SUGCT: variants seen among roughly 807,000 people sequenced by gnomAD.
SUGCT encodes succinyl-CoA:glutarate-CoA transferase.
A neutral mutation model predicts 55.0 loss-of-function variants in SUGCT; 41 were observed. The ratio of observed to expected loss-of-function variants is 0.74; its 90% confidence interval spans 0.58 to 0.97. The LOEUF is 0.97. Among genes scored for constraint, SUGCT ranks in the 50% least tolerant of loss-of-function variants. SUGCT has a pLI of 0.00. For missense variants in SUGCT, 568 were observed against 547.8 expected (o/e 1.04, Z -0.37); for synonymous variants, 187 against 200.4 (o/e 0.93, Z 0.56).
At chr7:40,579,613 C>A (rs975389516) in intron 12 of SUGCT, among the ~76,000 whole-genome samples, 3 of 152,176 alleles carry the variant, frequency 2.0e-5, no homozygotes, top group African/African-American at 7.2e-5. Context: ...TGGAAACAGA[C>A]ATAAATGGTG....
At chr7:40,258,813 C>T (rs1791012274) in intron 7 of SUGCT, among the ~76,000 whole-genome samples, 1 of 152,150 alleles carries the variant, frequency 6.6e-6, no homozygotes, top group Non-Finnish European at 1.5e-5. Flanking sequence ...ACTATATGAT[C>T]CAGCAACCCC....
At chr7:40,802,413 C>A (rs985867333) in intron 13 of SUGCT, among the ~76,000 whole-genome samples, 3 of 152,066 alleles carry the variant, frequency 2.0e-5, no homozygotes, top group Non-Finnish European at 4.4e-5. Context: ...CATTTAAAAC[C>A]CCCCAAAGCC....
chr7:40,997,397 C>T, the SUGCT span, among the ~76,000 whole-genome samples: 1 of 152,182 alleles, frequency 6.6e-6, no homozygotes, highest in Admixed American at 6.5e-5. Context: ...CCATTCTCCA[C>T]ATGGCAACCA....
At chr7:40,540,584 A>C (rs146214281) in intron 12 of SUGCT, among the ~76,000 whole-genome samples, 114 of 152,352 alleles carry the variant, frequency 7.5e-4, no homozygotes, top group African/African-American at 2.6e-3. Flanking sequence ...GTAAATGCCT[A>C]CTTACTCTCT....
At chr7:40,641,732 T>C (rs1800278424) in intron 12 of SUGCT, among the ~76,000 whole-genome samples, 1 of 152,208 alleles carries the variant, frequency 6.6e-6, no homozygotes, top group Non-Finnish European at 1.5e-5. Context: ...CCCTTTATCA[T>C]CTTACCTTCT....
intron 1 of SUGCT, among the ~76,000 whole-genome samples, chr7:40,165,243 A>AT (rs1036887847): frequency 7.2e-5 from 11 of 151,748 alleles, no homozygotes; most frequent in African/African-American, 1.2e-4. Flanking sequence ...GCCTTTAAGA[A>AT]TTTTTTTTTA....
At chr7:40,887,755 A>G in the SUGCT span, among the ~76,000 whole-genome samples, 1 of 152,218 alleles carries the variant, frequency 6.6e-6, no homozygotes, top group African/African-American at 2.4e-5. Flanking sequence ...AAGAGAGGAA[A>G]AAGACAGGGC....
At chr7:40,508,923 G>A (rs1792768721) in intron 12 of SUGCT, among the ~76,000 whole-genome samples, 1 of 151,698 alleles carries the variant, frequency 6.6e-6, no homozygotes, top group Non-Finnish European at 1.5e-5. Context: ...GTCTGACTGT[G>A]CCCTGCTGTG....
chr7:40,516,167 GTC>G (rs1355492312), intron 12 of SUGCT, among the ~76,000 whole-genome samples: 1 of 152,048 alleles, frequency 6.6e-6, no homozygotes. Context: ...TTGAAAAAAA[GTC>G]TATTCAAATC....
intron 13 of SUGCT, among the ~76,000 whole-genome samples, chr7:40,825,598 G>A (rs1792272267): frequency 6.6e-6 from 1 of 152,148 alleles, no homozygotes; most frequent in South Asian, 2.1e-4. Flanking sequence ...ACATGAGTAA[G>A]GGAAAAAATG....
intron 9 of SUGCT, among the ~76,000 whole-genome samples, chr7:40,410,511 C>T (rs908013223): frequency 1.3e-5 from 2 of 152,016 alleles, no homozygotes; most frequent in African/African-American, 4.8e-5. Context: ...AATTATTATA[C>T]CATTTTATAT....
At chr7:40,991,264 G>A in the SUGCT span, among the ~76,000 whole-genome samples, 2 of 152,178 alleles carry the variant, frequency 1.3e-5, no homozygotes, top group South Asian at 4.1e-4. Flanking sequence ...ATGCTGGTTG[G>A]TGGAGGAGTC....
chr7:40,178,195 A>C (rs548496940), intron 1 of SUGCT, among the ~76,000 whole-genome samples: 1 of 152,296 alleles, frequency 6.6e-6, no homozygotes, highest in East Asian at 1.9e-4. Flanking sequence ...TTTTTAAAGA[A>C]ATAAACATTT....
chr7:40,626,411 AT>A (rs1218799947), intron 12 of SUGCT, among the ~76,000 whole-genome samples: 429 of 141,658 alleles, frequency 3.0e-3, no homozygotes, highest in Admixed American at 3.5e-3. Flanking sequence ...CGTGTGCCTA[AT>A]TTTTTTTTTT....
chr7:40,366,268 A>T (rs1038529325), intron 9 of SUGCT, among the ~76,000 whole-genome samples: 3 of 152,172 alleles, frequency 2.0e-5, no homozygotes, highest in Non-Finnish European at 4.4e-5. Context: ...TTAATTCAAG[A>T]TGGATTAAAG....
At chr7:40,934,688 G>A in the SUGCT span, among the ~76,000 whole-genome samples, 1 of 151,858 alleles carries the variant, frequency 6.6e-6, no homozygotes, top group African/African-American at 2.4e-5. Flanking sequence ...CTTGCAGGTC[G>A]ATCTCAGACT....
chr7:40,276,579 A>C (rs1792495252), intron 8 of SUGCT, among the ~76,000 whole-genome samples: 1 of 152,148 alleles, frequency 6.6e-6, no homozygotes, highest in African/African-American at 2.4e-5. Flanking sequence ...CTTTACTCTA[A>C]TGTATAAAGA....
At chr7:40,278,457 C>T (rs559093518) in intron 8 of SUGCT, among the ~76,000 whole-genome samples, 7 of 152,158 alleles carry the variant, frequency 4.6e-5, no homozygotes, top group African/African-American at 1.7e-4. Context: ...AATCATGCTG[C>T]TATAAAGACA....
chr7:40,365,467 C>T (rs1783897672), intron 9 of SUGCT, among the ~76,000 whole-genome samples: 1 of 152,044 alleles, frequency 6.6e-6, no homozygotes, highest in African/African-American at 2.4e-5. Flanking sequence ...AAGAGGAAGT[C>T]AAATTGTCCC....
Sources: gnomAD v4.1 joint callset for allele counts (sites outside exome capture counted in the v4.1 genomes callset) on GRCh38, gnomAD v4.1.1 for gene constraint, MANE v1.5 for transcripts, NCBI Gene and HGNC (gene_info 2026-07-23, HGNC 2026-07-21) for gene names.